SMIM14: variants seen among roughly 807,000 people sequenced by gnomAD.
The protein encoded by SMIM14 is small integral membrane protein 14, also known as chromosome 4 open reading frame 34.
In SMIM14, 5 loss-of-function variants were observed where a neutral mutation model predicts 12.6. The observed-to-expected ratio is 0.40, with a 90% CI of 0.21 to 0.83. The LOEUF is 0.83. SMIM14 is among the 40% of genes least tolerant of loss of function. The pLI is 0.37. For missense variants in SMIM14, 86 were observed against 119.1 expected, an observed-to-expected ratio of 0.72 and a Z score of 1.29; for synonymous variants, 30 against 40.1, an observed-to-expected ratio of 0.75 and a Z score of 0.95.
At chr4:39,560,721 C>A (rs1390068809) in intron 3 of SMIM14, among the ~76,000 whole-genome samples, 2 of 152,064 alleles carry the variant, frequency 1.3e-5, no homozygotes, top group Non-Finnish European at 2.9e-5. Context: ...AAACAAAAAT[C>A]ATGAGCATCT....
At chr4:39,565,875 C>T (rs778237384) in intron 3 of SMIM14, among the ~76,000 whole-genome samples, 10 of 151,820 alleles carry the variant, frequency 6.6e-5, no homozygotes, top group Non-Finnish European at 1.0e-4. Context: ...ACAAGTCTCA[C>T]GAGATCTCAT....
At chr4:39,577,759 T>C (rs1713279552) in intron 2 of SMIM14, among the ~76,000 whole-genome samples, 1 of 152,084 alleles carries the variant, frequency 6.6e-6, no homozygotes, top group African/African-American at 2.4e-5. Context: ...ATGAGTGCCT[T>C]TGTACACGTA....
intron 1 of SMIM14, among the ~76,000 whole-genome samples, chr4:39,628,729 TTTTTTTC>T (rs1715794963): frequency 6.6e-6 from 1 of 150,694 alleles, no homozygotes; most frequent in South Asian, 2.1e-4. Flanking sequence ...TCTTTTTTTT[TTTTTTTC>T]TTTTTTCTTT....
At chr4:39,566,101 T>C (rs937592143) in intron 3 of SMIM14, among the ~76,000 whole-genome samples, 2 of 150,730 alleles carry the variant, frequency 1.3e-5, no homozygotes, top group African/African-American at 2.4e-5. Context: ...AAGAACCTGT[T>C]GCAATAATCT....
At chr4:39,582,382 T>C (rs1055549058) in intron 2 of SMIM14, among the ~76,000 whole-genome samples, 1 of 151,902 alleles carries the variant, frequency 6.6e-6, no homozygotes, top group Non-Finnish European at 1.5e-5. Flanking sequence ...GAAAGGGTCT[T>C]GGCCGGGCAC....
chr4:39,603,768 T>C (rs1411742006), intron 2 of SMIM14, among the ~76,000 whole-genome samples: 2 of 152,046 alleles, frequency 1.3e-5, no homozygotes, highest in East Asian at 1.9e-4. Context: ...CCCAGCACTT[T>C]CGGGGACCGA....
In SMIM14 at chr4:39,592,796, A is replaced by G. The variant is rs1451723134; in HGVS notation, c.75+12275T>C. ...ACGCCTCTACGCAAAGAAACTAGAA[A>G]ATCTAGAAGAAATGGTTAAATTCCT... is the stretch of plus-strand genomic sequence containing the variant. On this transcript the variant is annotated intron_variant, in intron 2 of 4. Transcript: ENST00000295958. 5 of 152,222 alleles carry G rather than the reference A, an allele frequency of 3.3e-5. No individual in the cohort carries two copies. In the East Asian group the frequency reaches 7.7e-4, roughly 23 times the overall value. 9.4% of individuals were successfully genotyped at this position (152,222 alleles called of 1,614,324 possible). A position where few individuals can be genotyped will look rare whatever the true frequency, so the allele number is the denominator to read the frequency against.
rs966841454 is a variant in SMIM14 at position 39,612,233 on chromosome 4, T to G, written c.-35-7053A>C. The G allele has an allele frequency of 7.9e-5, 12 of 152,230 alleles. No individual in the cohort carries two copies. In the East Asian group the frequency reaches 1.7e-3, roughly 22 times the overall value. The allele number at this position is 152,230 out of a possible 1,614,324, so 9.4% of individuals were successfully genotyped here. On this transcript the variant is annotated intron_variant, in intron 1 of 4. Coordinates refer to ENST00000295958, the MANE Select transcript of SMIM14 (RefSeq NM_174921.3). ...TATGTAAAGTTCACCAGTAAATTCC[T>G]GTTTCTCAACTGTCTTTTCTTTTTT...
At chr4:39,571,807 A>ATT (rs112269050) in intron 3 of SMIM14, among the ~76,000 whole-genome samples, 1 of 144,756 alleles carries the variant, frequency 6.9e-6, no homozygotes, top group Non-Finnish European at 1.5e-5. Context: ...AAGTTCTTCT[A>ATT]TTTTTTTTTT....
chr4:39,628,756 G>A (rs1578370753), intron 1 of SMIM14, among the ~76,000 whole-genome samples: 1 of 141,208 alleles, frequency 7.1e-6, no homozygotes, highest in Non-Finnish European at 1.5e-5. Flanking sequence ...TTTTTGAGCC[G>A]GAGTCTCCCT....
rs996544898 is a variant in SMIM14 at position 39,549,650 on chromosome 4, A to G, written c.*2476T>C. ...AATATCTCTTGCCAGGGATTGGCCT[A>G]ACAGCTCAGAGAACAGATTGTTAGG... On this transcript the variant is annotated 3_prime_UTR_variant, in exon 5 of 5. Transcript: ENST00000295958. 3.9e-5 allele frequency: 6 copies of G among 152,330 alleles called. No individual in the cohort carries two copies. Among genetic ancestry groups the G allele is most frequent in the African/African-American group, 1.4e-4 (6 of 41,576 alleles). 9.4% of individuals were successfully genotyped at this position (152,330 alleles called of 1,614,324 possible).
chr4:39,626,523 A>G lies in SMIM14; in HGVS notation c.-36+12216T>C, dbSNP rs190700566. On this transcript the variant is annotated intron_variant, in intron 1 of 4. Transcript: ENST00000295958. ...TCTCACTTCTCCTTTCTTGAAAAGG[A>G]TGTATCTAACAAATTCTCAGGGGAC... Among the ~76,000 whole-genome samples the G allele has an allele frequency of 2.8e-3, 432 of 152,320 alleles. 4 individuals are homozygous for G. The Middle Eastern group carries it at 0.068, about 24-fold the overall frequency.
At chr4:39,586,143 C>T (rs1236658116) in intron 2 of SMIM14, among the ~76,000 whole-genome samples, 1 of 152,028 alleles carries the variant, frequency 6.6e-6, no homozygotes, top group Non-Finnish European at 1.5e-5. Flanking sequence ...TCTACCATAC[C>T]TTTAGTGTTC....
At chr4:39,561,364 A>T (rs1712300277) in intron 3 of SMIM14, among the ~76,000 whole-genome samples, 1 of 152,080 alleles carries the variant, frequency 6.6e-6, no homozygotes, top group African/African-American at 2.4e-5. Flanking sequence ...GCACTTTGGG[A>T]GGCCAAGGCA....
chr4:39,592,450 A>G (rs1341737727), intron 2 of SMIM14, among the ~76,000 whole-genome samples: 1 of 152,128 alleles, frequency 6.6e-6, no homozygotes, highest in Admixed American at 6.6e-5. Context: ...GGCAGTAGTA[A>G]GAGAAGTTCC....
intron 2 of SMIM14, among the ~76,000 whole-genome samples, chr4:39,574,347 G>A (rs1034521850): frequency 4.0e-5 from 6 of 149,862 alleles, no homozygotes; most frequent in African/African-American, 9.8e-5. Flanking sequence ...TCTGCCTCCC[G>A]GGTTCAAGCA....
chr4:39,589,409 T>A (rs987082647), intron 2 of SMIM14, among the ~76,000 whole-genome samples: 2 of 152,330 alleles, frequency 1.3e-5, no homozygotes, highest in African/African-American at 4.8e-5. Flanking sequence ...TCAGTGAAGA[T>A]GTAGAAGTTT....
At chr4:39,565,012 G>A (rs1244997998) in intron 3 of SMIM14, among the ~76,000 whole-genome samples, 2 of 152,130 alleles carry the variant, frequency 1.3e-5, no homozygotes, top group Non-Finnish European at 2.9e-5. Context: ...AGGAGTTCAA[G>A]ACCAGCCTTG....
At chr4:39,608,536 G>A (rs1022830335) in intron 1 of SMIM14, among the ~76,000 whole-genome samples, 4 of 152,126 alleles carry the variant, frequency 2.6e-5, no homozygotes, top group Non-Finnish European at 5.9e-5. Flanking sequence ...ACTGAAATTA[G>A]CCAGACAAAA....
Sources: gnomAD v4.1 joint callset for allele counts (sites outside exome capture counted in the v4.1 genomes callset) on GRCh38, gnomAD v4.1.1 for gene constraint, MANE v1.5 for transcripts, NCBI Gene and HGNC (gene_info 2026-07-23, HGNC 2026-07-21) for gene names.